MLLT3: variants seen among roughly 807,000 people sequenced by gnomAD.
MLLT3 encodes protein AF-9.
A neutral mutation model predicts 53.2 loss-of-function variants in MLLT3; 4 were observed. The ratio of observed to expected loss-of-function variants is 0.08; its 90% CI spans 0.04 to 0.17. The LOEUF is 0.17. Among genes scored for constraint, MLLT3 ranks in the 10% least tolerant of loss-of-function variants. The pLI, the probability that MLLT3 is intolerant of heterozygous loss-of-function variation, is 1.00. For missense variants in MLLT3, 569 were observed against 684.0 expected (o/e 0.83, Z 1.87); for synonymous variants, 283 against 230.6 (o/e 1.23, Z -2.06).
chr9:20,393,525 T>C (rs189870216), intron 5 of MLLT3, among the ~76,000 whole-genome samples: 2 of 152,326 alleles, frequency 1.3e-5, no homozygotes, highest in East Asian at 1.9e-4. Flanking sequence ...GCTATAAAGA[T>C]TTCCCTTCGA....
At chr9:20,447,403 T>G (rs993465248) in intron 4 of MLLT3, among the ~76,000 whole-genome samples, 5 of 152,154 alleles carry the variant, frequency 3.3e-5, no homozygotes, top group Non-Finnish European at 5.9e-5. Context: ...GACACATAAG[T>G]TCATGTGCAG....
intron 2 of MLLT3, among the ~76,000 whole-genome samples, chr9:20,575,299 G>A (rs149312449): frequency 7.9e-4 from 120 of 152,186 alleles, no homozygotes; most frequent in Non-Finnish European, 1.4e-3. Context: ...ACTTTACCCA[G>A]ATCCACCAGA....
Position 20,567,327 on chromosome 9 carries a change from A to C in MLLT3, c.193+53327T>G, listed in dbSNP as rs550965983. On this transcript the variant is annotated intron_variant, in intron 2 of 10. Coordinates refer to ENST00000380338, the MANE Select transcript of MLLT3 (RefSeq NM_004529.4). The stretch of plus-strand genomic sequence containing the variant: ...AGTAAAAAAAAAAAAAAAAAAAAAA[A>C]ACACAAACGATTTAACCAATTAATA... Among the ~76,000 whole-genome samples the C allele has an allele frequency of 4.6e-4, 69 of 150,210 alleles. 1 individual carries two copies. The highest frequency in any genetic ancestry group is 1.2e-3 in the African/African-American group (51 of 41,068).
chr9:20,553,192 T>C (rs1818968787), intron 2 of MLLT3, among the ~76,000 whole-genome samples: 1 of 152,120 alleles, frequency 6.6e-6, no homozygotes, highest in South Asian at 2.1e-4. Context: ...TAAAAGCCAC[T>C]TAAAACAAAA....
intron 2 of MLLT3, among the ~76,000 whole-genome samples, chr9:20,539,285 T>A (rs780382524): frequency 6.6e-6 from 1 of 152,266 alleles, no homozygotes; most frequent in African/African-American, 2.4e-5. Context: ...ACTAAGTTTA[T>A]GCAATATTCT....
At chr9:20,401,378 G>C (rs1416582885) in intron 5 of MLLT3, among the ~76,000 whole-genome samples, 1 of 152,070 alleles carries the variant, frequency 6.6e-6, no homozygotes, top group Non-Finnish European at 1.5e-5. Flanking sequence ...TGGGATAATG[G>C]GTACAGCTAA....
intron 4 of MLLT3, among the ~76,000 whole-genome samples, chr9:20,421,185 A>T (rs1822999359): frequency 6.6e-6 from 1 of 151,986 alleles, no homozygotes; most frequent in Admixed American, 6.6e-5. Flanking sequence ...AATCACTTAA[A>T]CCTGGGAGGT....
chr9:20,501,786 A>AAAAC (rs1825240260), intron 2 of MLLT3, among the ~76,000 whole-genome samples: 1 of 147,040 alleles, frequency 6.8e-6, no homozygotes, highest in Admixed American at 6.8e-5. Flanking sequence ...AAAAAAAAAA[A>AAAAC]CCGCACCCAA....
At position 20,488,455 on chromosome 9, in the gene MLLT3, G is replaced by A. The variant is rs1300387419; in HGVS notation, c.194-31669C>T. On this transcript the variant is annotated intron_variant, in intron 2 of 10. Coordinates refer to ENST00000380338, the MANE Select transcript of MLLT3 (RefSeq NM_004529.4). ...ATGAAAAATTGAACAATGTGTACTC[G>A]TAGAAAAAGATTAAAAATTTGTTAG... 3.3e-5 allele frequency among the ~76,000 whole-genome samples: 5 copies of A among 152,064 alleles called. No individual in the cohort carries two copies. The East Asian group carries it at 5.8e-4, about 18-fold the overall frequency.
At chr9:20,497,893 G>C (rs769387646) in intron 2 of MLLT3, among the ~76,000 whole-genome samples, 1 of 152,074 alleles carries the variant, frequency 6.6e-6, no homozygotes, top group African/African-American at 2.4e-5. Flanking sequence ...TGTTTCCAAA[G>C]TGATTATACC....
At chr9:20,443,332 T>C (rs1311453721) in intron 4 of MLLT3, among the ~76,000 whole-genome samples, 1 of 152,190 alleles carries the variant, frequency 6.6e-6, no homozygotes, top group African/African-American at 2.4e-5. Context: ...AGGATCCAAC[T>C]ACCTTGCTGG....
chr9:20,489,187 G>C (rs1824885044), intron 2 of MLLT3, among the ~76,000 whole-genome samples: 1 of 152,070 alleles, frequency 6.6e-6, no homozygotes, highest in Non-Finnish European at 1.5e-5. Flanking sequence ...AGAGGTAGGG[G>C]ACTGGCATGT....
intron 2 of MLLT3, among the ~76,000 whole-genome samples, chr9:20,540,379 C>T (rs757673629): frequency 6.6e-6 from 1 of 152,268 alleles, no homozygotes; most frequent in Non-Finnish European, 1.5e-5. Flanking sequence ...TTCCAGCAGA[C>T]TTCTGCCTGG....
At chr9:20,534,346 G>T (rs908160754) in intron 2 of MLLT3, among the ~76,000 whole-genome samples, 2 of 152,192 alleles carry the variant, frequency 1.3e-5, no homozygotes, top group African/African-American at 4.8e-5. Flanking sequence ...CTGAAAAAGA[G>T]AAAGGTCCAA....
rs779144029 is a variant in MLLT3, at chr9:20,414,095, T to C, written c.751A>G (p.Met251Val). ...PLKEEKIVPK[M>V]AFKEPKPMSK... ...ATGGGTTTAGGTTCCTTGAAGGCCA[T>C]CTTAGGAACTATTTTCTCTTCTTTC... The change falls in exon 5 of 11, where the codon ATG (methionine) becomes GTG (valine). Residue 251 changes from methionine to valine, a missense_variant. Coordinates refer to ENST00000380338, the MANE Select transcript of MLLT3 (RefSeq NM_004529.4). 1.9e-6 allele frequency: 3 copies of C among 1,613,594 alleles called. No homozygotes were observed.
chr9:20,617,913 C>T (rs994477962), intron 2 of MLLT3, among the ~76,000 whole-genome samples: 4 of 152,142 alleles, frequency 2.6e-5, no homozygotes, highest in Admixed American at 2.0e-4. Flanking sequence ...AATTTTTTCT[C>T]CTACAAATTC....
chr9:20,621,892 C>T lies in MLLT3; in HGVS notation c.12+353G>A. The T allele has an allele frequency of 7.3e-7, 1 of 1,364,762 alleles. No homozygotes were observed. The highest frequency in any genetic ancestry group is 9.4e-7 in the Non-Finnish European group (1 of 1,067,142). The allele number at this position is 1,364,762 out of a possible 1,614,324, so 84.5% of individuals were successfully genotyped here. ...GAAATATGGCTGAGTTATTATTCGCCTCCTTCCACCGTGTGTGTGTGTGTG... is the reference window on the plus strand; with the variant it reads ...GAAATATGGCTGAGTTATTATTCGCTTCCTTCCACCGTGTGTGTGTGTGTG... On this transcript the variant is annotated intron_variant, in intron 1 of 10. Transcript: ENST00000380338. The surrounding 1 kb of genome is among the most constrained non-coding windows in gnomAD (Gnocchi z 7.0).
intron 2 of MLLT3, among the ~76,000 whole-genome samples, chr9:20,574,106 C>A (rs1169883175): frequency 6.6e-6 from 1 of 152,164 alleles, no homozygotes; most frequent in Non-Finnish European, 1.5e-5. Context: ...GACACTACAT[C>A]CAGGGTCTCT....
At chr9:20,368,392 G>A (rs766209118) in intron 5 of MLLT3, among the ~76,000 whole-genome samples, 10 of 152,276 alleles carry the variant, frequency 6.6e-5, no homozygotes, top group Admixed American at 2.0e-4. Flanking sequence ...AACCATCTGG[G>A]AGCCGAAAAG....
Sources: allele counts gnomAD v4.1 joint callset (sites outside exome capture counted in the v4.1 genomes callset), GRCh38; gene constraint gnomAD v4.1.1; non-coding constraint Gnocchi (gnomAD v3.1); transcripts MANE v1.5; gene names NCBI Gene and HGNC (gene_info 2026-07-23, HGNC 2026-07-21).